DCBLD2: variants seen among roughly 807,000 people sequenced by gnomAD.
The protein encoded by DCBLD2 is discoidin, CUB and LCCL domain-containing protein 2.
Under a neutral mutation model 86.8 loss-of-function variants are expected in DCBLD2, and 54 were observed. That is an observed-to-expected ratio of 0.62 (90% confidence interval 0.50 to 0.78). The LOEUF (loss-of-function observed/expected upper bound fraction) is 0.78, where lower values mean the gene tolerates loss of function less well. Among genes scored for constraint, DCBLD2 ranks in the 30% least tolerant of loss-of-function variants. DCBLD2 has a pLI of 0.00. For missense variants in DCBLD2, 908 were observed against 954.2 expected, an observed-to-expected ratio of 0.95 and a Z score of 0.64; for synonymous variants, 354 against 341.3, an observed-to-expected ratio of 1.04 and a Z score of -0.41.
Position 98,796,449 on chromosome 3 carries a change from C to T in DCBLD2, c.*2923G>A, listed in dbSNP as rs976060699. ...TATAGACCTCTTGCTCTCTAGGTGA[C>T]AATGCAGAGCCAGGGCAAAGGTGTT... On this transcript the variant is annotated 3_prime_UTR_variant, in exon 16 of 16. Coordinates refer to ENST00000326840, the MANE Select transcript of DCBLD2 (RefSeq NM_080927.4). 5 of 152,646 alleles carry T rather than the reference C, an allele frequency of 3.3e-5. No homozygotes were observed. Among genetic ancestry groups the T allele is most frequent in the African/African-American group, 1.2e-4 (5 of 41,450 alleles). The allele number at this position is 152,646 out of a possible 1,614,324, so 9.5% of individuals were successfully genotyped here.
intron 3 of DCBLD2, among the ~76,000 whole-genome samples, chr3:98,842,694 T>A (rs1942642367): frequency 6.6e-6 from 1 of 152,186 alleles, no homozygotes; most frequent in South Asian, 2.1e-4. Flanking sequence ...AAAGCATAGC[T>A]CAGTTGCCTA....
At position 98,800,704 on chromosome 3, in the gene DCBLD2, C is replaced by T. The variant is rs1481600408; in HGVS notation, c.1733G>A (p.Gly578Glu). 3 of 1,613,900 alleles carry T rather than the reference C, an allele frequency of 1.9e-6. No individual in the cohort carries two copies. Among genetic ancestry groups the T allele is most frequent in the Middle Eastern group, 1.6e-4 (1 of 6,062 alleles). The part of the protein sequence containing the change: ...PYWDRAGWWK[G>E]MKQFLPAKAV... ...TTTTGCAGGAAGAAACTGCTTCATTCCTTTCCACCAACCTTCATTGTGACG... is the reference window on the plus strand; with the variant it reads ...TTTTGCAGGAAGAAACTGCTTCATTTCTTTCCACCAACCTTCATTGTGACG... The change falls in exon 15 of 16, where the codon GGA becomes GAA. Residue 578 changes from glycine (G) to glutamate (E), a missense_variant. Transcript: ENST00000326840.
At position 98,822,331 on chromosome 3, in the gene DCBLD2, C is replaced by A. The variant is rs779687763; in HGVS notation, c.727G>T (p.Ala243Ser). 6.2e-7 allele frequency: 1 copy of A among 1,613,972 alleles called. No individual in the cohort carries two copies. Among genetic ancestry groups the A allele is most frequent in the Non-Finnish European group, 8.5e-7 (1 of 1,179,880 alleles). ...SSPLCMAGVH[A>S]GVVSNTLGGQ... ...CCCAACGTGTTTGACACTACTCCTGCATGCACACCAGCCATGCACAATGGC... is the reference window on the plus strand; with the variant it reads ...CCCAACGTGTTTGACACTACTCCTGAATGCACACCAGCCATGCACAATGGC... Residue 243 changes from alanine to serine, a missense_variant, in exon 6 of 16, where the codon GCA becomes TCA. Transcript: ENST00000326840.
intron 10 of DCBLD2, 79 bp from the exon 11 acceptor site, chr3:98,811,633 A>C: frequency 8.0e-7 from 1 of 1,257,560 alleles, no homozygotes. Context: ...AAATGTCTTC[A>C]ATATTTCCTA....
intron 3 of DCBLD2, among the ~76,000 whole-genome samples, chr3:98,835,638 C>T (rs1158065140): frequency 6.7e-6 from 1 of 148,808 alleles, no homozygotes; most frequent in East Asian, 2.0e-4. Context: ...CAACTTCTGC[C>T]TCCCGGATTC....
At chr3:98,802,165 C>A (rs553008222) in intron 13 of DCBLD2, among the ~76,000 whole-genome samples, 10 of 152,346 alleles carry the variant, frequency 6.6e-5, no homozygotes, top group Middle Eastern at 6.8e-3. Flanking sequence ...AGGTTACAGT[C>A]CTACCAACAG....
chr3:98,807,576 C>T (rs1485271804), intron 13 of DCBLD2, among the ~76,000 whole-genome samples: 1 of 152,084 alleles, frequency 6.6e-6, no homozygotes, highest in East Asian at 1.9e-4. Flanking sequence ...TTTATGTCAC[C>T]CAGGTTATGG....
chr3:98,800,563 G>A lies in DCBLD2; in HGVS notation c.1858+16C>T. The A allele has an allele frequency of 6.2e-7, 1 of 1,606,054 alleles. No homozygotes were observed. The highest frequency in any genetic ancestry group is 8.5e-7 in the Non-Finnish European group (1 of 1,175,344). ...TTCTCCCTCTGCCTGGTACCAGAAG[G>A]CTGCAACATAGTTACCTGCAGAGTC... On this transcript the variant is annotated intron_variant, in intron 15 of 15. Transcript: ENST00000326840.
chr3:98,811,062 A>T (rs990787502), intron 12 of DCBLD2, 132 bp downstream of exon 12: 90 of 882,228 alleles, frequency 1.0e-4, no homozygotes, highest in African/African-American at 4.8e-4. Flanking sequence ...AAGAAAATAA[A>T]TTTTTTTTTT....
rs751688122 is a variant in DCBLD2, at chr3:98,817,868, C to T, written c.1113G>A (p.Met371Ile). 1.3e-5 allele frequency: 21 copies of T among 1,613,426 alleles called. No homozygotes were observed. Among genetic ancestry groups the T allele is most frequent in the African/African-American group, 2.7e-5 (2 of 74,904 alleles). The change falls in exon 9 of 16, where the codon ATG becomes ATA. Residue 371 changes from methionine (M) to isoleucine (I), a missense_variant. By Grantham distance (10) the Met-to-Ile change is conservative (BLOSUM62 1). Transcript: ENST00000326840. The part of the protein sequence containing the change: ...ITGIITTGST[M>I]VEHNYYVSAY... Reference sequence around the variant, plus strand: ...CAGACACATAGTAATTGTGCTCCACCATGGTGGATCCAGTGGTTATAATGC... The same window carrying T: ...CAGACACATAGTAATTGTGCTCCACTATGGTGGATCCAGTGGTTATAATGC...
Position 98,897,261 on chromosome 3 carries a change from T to C in DCBLD2, c.205+3861A>G, listed in dbSNP as rs978698845. Among the ~76,000 whole-genome samples, 15 of 152,304 alleles carry C rather than the reference T, an allele frequency of 9.8e-5. No homozygotes were observed. The East Asian group carries it at 1.2e-3, about 12-fold the overall frequency. Reference sequence around the variant, plus strand: ...TCTACCTATAATTTACCTGCAATCTTAGAATCAATTTTTCATTTACAAGTT... The same window carrying C: ...TCTACCTATAATTTACCTGCAATCTCAGAATCAATTTTTCATTTACAAGTT... On this transcript the variant is annotated intron_variant, in intron 1 of 15. Coordinates refer to ENST00000326840, the MANE Select transcript of DCBLD2 (RefSeq NM_080927.4).
At chr3:98,810,815 T>C (rs953785707) in intron 12 of DCBLD2, among the ~76,000 whole-genome samples, 5 of 152,116 alleles carry the variant, frequency 3.3e-5, no homozygotes, top group Admixed American at 2.6e-4. Flanking sequence ...TGCCATCAAG[T>C]TCCCTATCCA....
intron 3 of DCBLD2, among the ~76,000 whole-genome samples, chr3:98,836,572 C>G (rs1942454563): frequency 6.7e-6 from 1 of 150,086 alleles, no homozygotes; most frequent in Admixed American, 6.7e-5. Flanking sequence ...ACAAAGCCGC[C>G]ATTGTCATCC....
chr3:98,886,413 C>T (rs1943563667), intron 1 of DCBLD2, among the ~76,000 whole-genome samples: 1 of 151,982 alleles, frequency 6.6e-6, no homozygotes, highest in Admixed American at 6.6e-5. Flanking sequence ...GCTCATAAGG[C>T]AGAATTGACA....
chr3:98,879,278 G>C (rs1200968365), intron 2 of DCBLD2, among the ~76,000 whole-genome samples: 1 of 152,166 alleles, frequency 6.6e-6, no homozygotes, highest in Non-Finnish European at 1.5e-5. Context: ...ATTTGAACTT[G>C]AGAATGTCTC....
At chr3:98,857,208 T>C (rs1942947064) in intron 2 of DCBLD2, among the ~76,000 whole-genome samples, 1 of 152,200 alleles carries the variant, frequency 6.6e-6, no homozygotes. Context: ...GGTGGGTTCG[T>C]GGTCTCGCTG....
chr3:98,805,412 A>G (rs953768844), intron 13 of DCBLD2, among the ~76,000 whole-genome samples: 1 of 152,212 alleles, frequency 6.6e-6, no homozygotes, highest in East Asian at 1.9e-4. Context: ...TAGATGCCCT[A>G]TATTGCTAGG....
At chr3:98,846,094 G>A (rs1942716169) in intron 3 of DCBLD2, among the ~76,000 whole-genome samples, 3 of 152,182 alleles carry the variant, frequency 2.0e-5, no homozygotes, top group South Asian at 2.1e-4. Flanking sequence ...TTGGTGCCAA[G>A]TATAGGGCAG....
At chr3:98,808,890 C>T (rs933169080) in intron 12 of DCBLD2, among the ~76,000 whole-genome samples, 2 of 152,094 alleles carry the variant, frequency 1.3e-5, no homozygotes, top group Non-Finnish European at 2.9e-5. Flanking sequence ...CTCCCTGTTT[C>T]TGCGTAAGAG....
Sources: allele counts gnomAD v4.1 joint callset (sites outside exome capture counted in the v4.1 genomes callset), GRCh38; gene constraint gnomAD v4.1.1; transcripts MANE v1.5; gene names NCBI Gene and HGNC (gene_info 2026-07-23, HGNC 2026-07-21).